THSD4: variants seen among roughly 807,000 people sequenced by gnomAD.
THSD4 encodes the protein thrombospondin type-1 domain-containing protein 4.
A neutral mutation model predicts 119.0 loss-of-function variants in THSD4; 69 were observed. The observed-to-expected ratio is 0.58, with a 90% confidence interval of 0.48 to 0.71. THSD4 has a LOEUF of 0.71. THSD4 is among the 30% of genes least tolerant of loss of function. The pLI is 0.00. For missense variants in THSD4, 1,393 were observed against 1,391.1 expected (o/e 1.00, Z -0.02); for synonymous variants, 524 against 540.4 (o/e 0.97, Z 0.42).
At chr15:71,506,300 T>A (rs973882682) in intron 7 of THSD4, among the ~76,000 whole-genome samples, 5 of 152,206 alleles carry the variant, frequency 3.3e-5, no homozygotes, top group Non-Finnish European at 5.9e-5. Context: ...TTTAGAACAA[T>A]GCATTACCCG....
intron 8 of THSD4, among the ~76,000 whole-genome samples, chr15:71,703,167 G>A (rs1416059466): frequency 6.6e-6 from 1 of 152,062 alleles, no homozygotes; most frequent in Non-Finnish European, 1.5e-5. Context: ...TAGAGACAGA[G>A]ATTTGCCATG....
At chr15:71,527,955 A>G (rs1311569959) in intron 7 of THSD4, among the ~76,000 whole-genome samples, 2 of 151,958 alleles carry the variant, frequency 1.3e-5, no homozygotes, top group African/African-American at 2.4e-5. Flanking sequence ...GGCTCAAGCA[A>G]TCTTCCTGTC....
intron 17 of THSD4, among the ~76,000 whole-genome samples, chr15:71,772,941 G>A (rs117798531): frequency 6.6e-6 from 1 of 152,078 alleles, no homozygotes; most frequent in Admixed American, 6.6e-5. Context: ...GGATGCAATG[G>A]CTCACACCTG....
At chr15:71,556,353 C>A (rs1331444522) in intron 7 of THSD4, among the ~76,000 whole-genome samples, 1 of 148,376 alleles carries the variant, frequency 6.7e-6, no homozygotes, top group African/African-American at 2.5e-5. Context: ...AGGTCTTATA[C>A]ATCTTTATTT....
chr15:71,429,905 G>A (rs2046919741), intron 7 of THSD4, among the ~76,000 whole-genome samples: 2 of 152,154 alleles, frequency 1.3e-5, no homozygotes, highest in South Asian at 4.1e-4. Flanking sequence ...CATGACACAG[G>A]CAAACAGATC....
intron 7 of THSD4, among the ~76,000 whole-genome samples, chr15:71,553,819 A>G (rs1050934436): frequency 2.0e-5 from 3 of 152,196 alleles, no homozygotes; most frequent in South Asian, 2.1e-4. Flanking sequence ...TACATAGTGA[A>G]TATATTATGG....
At position 71,215,280 on chromosome 15, in the gene THSD4, C is replaced by T; in HGVS notation, c.345C>T (p.His115=). 1 of 1,520,772 alleles carries T rather than the reference C, an allele frequency of 6.6e-7. No homozygotes were observed. Among genetic ancestry groups the T allele is most frequent in the Non-Finnish European group, 8.8e-7 (1 of 1,140,250 alleles). 94.2% of individuals were successfully genotyped at this position (1,520,772 alleles called of 1,614,324 possible). A position where few individuals can be genotyped will look rare whatever the true frequency, so the allele number is the denominator to read the frequency against. ...VSAVRTSVPL[H]RSRDETPALA... ...CGGTGCGCACGTCGGTGCCACTGCA[C>T]CGGAGCCGCGACGAGACGCCAGCGC... The change falls in exon 4 of 18, where the codon CAC becomes CAT. Residue 115 remains histidine, a synonymous_variant. Transcript: ENST00000261862.
intron 8 of THSD4, among the ~76,000 whole-genome samples, chr15:71,705,339 TAACAA>T (rs1256730947): frequency 6.6e-6 from 1 of 152,180 alleles, no homozygotes; most frequent in African/African-American, 2.4e-5. Flanking sequence ...ACACCGCAAC[TAACAA>T]AACTAAAACC....
chr15:71,613,128 G>A (rs1347674083), intron 7 of THSD4, among the ~76,000 whole-genome samples: 3 of 152,172 alleles, frequency 2.0e-5, no homozygotes, highest in East Asian at 1.9e-4. Context: ...ATAAGCAGAG[G>A]TGGTGAAAAG....
intron 7 of THSD4, among the ~76,000 whole-genome samples, chr15:71,439,527 A>T (rs951141885): frequency 6.6e-6 from 1 of 152,292 alleles, no homozygotes; most frequent in South Asian, 2.1e-4. Context: ...TATATACCCT[A>T]AGGATTATAA....
At chr15:71,299,979 A>G (rs2044925630) in intron 6 of THSD4, among the ~76,000 whole-genome samples, 1 of 28,152 alleles carries the variant, frequency 3.6e-5, no homozygotes, top group African/African-American at 1.2e-4. Context: ...AAAAAAAAAT[A>G]TATATATATA....
At chr15:71,756,418 G>A (rs931062000) in intron 14 of THSD4, among the ~76,000 whole-genome samples, 2 of 152,152 alleles carry the variant, frequency 1.3e-5, no homozygotes, top group Non-Finnish European at 1.5e-5. Context: ...GAATGGTAAC[G>A]GTGGTGAAGG....
At chr15:71,270,615 A>C (rs1226739843) in intron 6 of THSD4, among the ~76,000 whole-genome samples, 1 of 152,212 alleles carries the variant, frequency 6.6e-6, no homozygotes, top group Non-Finnish European at 1.5e-5. Flanking sequence ...TCACCTAGCT[A>C]GTAAGTGATA....
At chr15:71,236,567 A>G (rs888680001) in intron 4 of THSD4, among the ~76,000 whole-genome samples, 1 of 152,228 alleles carries the variant, frequency 6.6e-6, no homozygotes, top group Non-Finnish European at 1.5e-5. Flanking sequence ...TAATTCATAT[A>G]ACAGAAATTA....
intron 2 of THSD4, among the ~76,000 whole-genome samples, chr15:71,143,276 T>A (rs2040622576): frequency 6.6e-6 from 1 of 152,194 alleles, no homozygotes; most frequent in South Asian, 2.1e-4. Flanking sequence ...TGTGCTTTTT[T>A]AAAACTATAG....
chr15:71,100,812 T>C (rs905860168), intron 1 of THSD4, among the ~76,000 whole-genome samples: 4 of 151,878 alleles, frequency 2.6e-5, no homozygotes, highest in African/African-American at 9.7e-5. Context: ...AAACCCTGTC[T>C]CTACAAAAAA....
chr15:71,106,616 A>C (rs915587097), intron 1 of THSD4, among the ~76,000 whole-genome samples: 1 of 152,188 alleles, frequency 6.6e-6, no homozygotes, highest in Non-Finnish European at 1.5e-5. Context: ...TACCATTGCC[A>C]AGTTGTATTT....
At position 71,757,940 on chromosome 15, in the gene THSD4, G is replaced by T; in HGVS notation, c.2454G>T (p.Ser818=). Reference sequence around the variant, plus strand: ...GTGGGGCCGGAGTGCGGACACGCTCGGTGGTGTGCATGACCAACCATGTCA... The same window carrying T: ...GTGGGGCCGGAGTGCGGACACGCTCTGTGGTGTGCATGACCAACCATGTCA... ...AECGAGVRTR[S]VVCMTNHVSS... is the part of the protein sequence containing the mutation. Residue 818 remains serine (S), a synonymous_variant, in exon 15 of 18, where the codon TCG becomes TCT. Transcript: ENST00000261862. 15 of 1,613,950 alleles carry T rather than the reference G, an allele frequency of 9.3e-6. No individual in the cohort carries two copies. The highest frequency in any genetic ancestry group is 1.3e-5 in the Non-Finnish European group (15 of 1,180,040).
Position 71,779,622 on chromosome 15 carries a change from CT to C in THSD4, c.*2249del, listed in dbSNP as rs1187593267. 6.6e-6 allele frequency: 1 copy of C among 152,266 alleles called. No homozygotes were observed. The highest frequency in any genetic ancestry group is 1.5e-5 in the Non-Finnish European group (1 of 68,064). The allele number at this position is 152,266 out of a possible 1,614,324, so 9.4% of individuals were successfully genotyped here. A position where few individuals can be genotyped will look rare whatever the true frequency, so the allele number is the denominator to read the frequency against. On this transcript the variant is annotated 3_prime_UTR_variant, in exon 18 of 18. Transcript: ENST00000261862. ...CTCTGTTGAGTGGGAGGTGAACACCCTGGTTCTTCCAACTCAGGAATTCTCG... is the reference window on the plus strand; with the variant it reads ...CTCTGTTGAGTGGGAGGTGAACACCCGGTTCTTCCAACTCAGGAATTCTCG...
Sources: gnomAD v4.1 joint callset for allele counts (sites outside exome capture counted in the v4.1 genomes callset) on GRCh38, gnomAD v4.1.1 for gene constraint, MANE v1.5 for transcripts, NCBI Gene and HGNC (gene_info 2026-07-23, HGNC 2026-07-21) for gene names.